SUCLG2: variants seen among roughly 807,000 people sequenced by gnomAD.
SUCLG2 encodes the protein succinate-CoA ligase GDP-forming subunit beta, also known as succinate--CoA ligase [GDP-forming] subunit beta, mitochondrial.
A neutral mutation model predicts 47.9 loss-of-function variants in SUCLG2; 42 were observed. The observed-to-expected ratio is 0.88, with a 90% CI of 0.69 to 1.14. The LOEUF (loss-of-function observed/expected upper bound fraction) is 1.14. Among genes scored for constraint, SUCLG2 ranks in the 50% most tolerant of loss-of-function variants. SUCLG2 has a pLI of 0.00. For missense variants in SUCLG2, 571 were observed against 525.9 expected (o/e 1.09, Z -0.84); for synonymous variants, 195 against 197.3 (o/e 0.99, Z 0.10).
intron 9 of SUCLG2, among the ~76,000 whole-genome samples, chr3:67,424,237 G>C (rs748245659): frequency 1.3e-5 from 2 of 152,136 alleles, no homozygotes; most frequent in African/African-American, 4.8e-5. Flanking sequence ...CAATGGTGAG[G>C]GGACTCAGCC....
chr3:67,555,915 A>G (rs1434453957), intron 2 of SUCLG2, among the ~76,000 whole-genome samples: 1 of 152,230 alleles, frequency 6.6e-6, no homozygotes, highest in Non-Finnish European at 1.5e-5. Flanking sequence ...GAAACCTGGC[A>G]TGTACCAATG....
At chr3:67,616,536 T>C (rs572589421) in intron 1 of SUCLG2, among the ~76,000 whole-genome samples, 2 of 152,246 alleles carry the variant, frequency 1.3e-5, no homozygotes, top group Admixed American at 6.5e-5. Flanking sequence ...TTCAACCTAA[T>C]CTATAATTTA....
intron 9 of SUCLG2, among the ~76,000 whole-genome samples, chr3:67,463,259 C>T (rs1704383351): frequency 6.6e-6 from 1 of 152,194 alleles, no homozygotes; most frequent in Non-Finnish European, 1.5e-5. Context: ...AAATATTCTG[C>T]ACATTGCCTG....
chr3:67,539,274 GTTGA>G (rs1706634056), intron 2 of SUCLG2, among the ~76,000 whole-genome samples: 1 of 152,134 alleles, frequency 6.6e-6, no homozygotes, highest in Non-Finnish European at 1.5e-5. Flanking sequence ...ACGAACCGGT[GTTGA>G]TTTTTATCAA....
At position 67,381,183 on chromosome 3, in the gene SUCLG2, A is replaced by AAAAT. The variant is rs201631218; in HGVS notation, c.1184-5328_1184-5325dup. Among the ~76,000 whole-genome samples the AAAAT allele has an allele frequency of 4.4e-5, 6 of 135,850 alleles. No homozygotes were observed. The East Asian group carries it at 6.2e-4, about 14-fold the overall frequency. The allele number at this position is 135,850 out of a possible 152,430, so 89.1% of individuals were successfully genotyped here. On this transcript the variant is annotated intron_variant, in intron 10 of 10. Coordinates refer to ENST00000307227, the MANE Select transcript of SUCLG2 (RefSeq NM_003848.4). ...CAGAGTGAGACCCACTTCTATTTTC[A>AAAAT]AAATAAATAAATAAATAAATAAAAT...
At chr3:67,562,573 C>T (rs537532152) in intron 2 of SUCLG2, among the ~76,000 whole-genome samples, 21 of 152,316 alleles carry the variant, frequency 1.4e-4, no homozygotes, top group Admixed American at 1.1e-3. Flanking sequence ...CCACTGCGCC[C>T]GGCCTCCAAT....
At chr3:67,641,821 G>A (rs1701106681) in intron 1 of SUCLG2, among the ~76,000 whole-genome samples, 1 of 152,192 alleles carries the variant, frequency 6.6e-6, no homozygotes, top group Non-Finnish European at 1.5e-5. Flanking sequence ...TATCAGAAGG[G>A]TTGGTTTCTT....
At chr3:67,433,419 G>A (rs550871260) in intron 9 of SUCLG2, among the ~76,000 whole-genome samples, 11 of 152,214 alleles carry the variant, frequency 7.2e-5, no homozygotes, top group African/African-American at 2.2e-4. Context: ...GGAAACTTTC[G>A]GATGTGAGCC....
At chr3:67,423,282 T>C (rs2106864909) in intron 9 of SUCLG2, among the ~76,000 whole-genome samples, 1 of 152,244 alleles carries the variant, frequency 6.6e-6, no homozygotes, top group South Asian at 2.1e-4. Flanking sequence ...AGGTGCCTTC[T>C]GCCATGATTG....
At chr3:67,535,448 G>A (rs1706513325) in intron 2 of SUCLG2, among the ~76,000 whole-genome samples, 1 of 152,116 alleles carries the variant, frequency 6.6e-6, no homozygotes, top group African/African-American at 2.4e-5. Flanking sequence ...AAGTGCTACA[G>A]TTTGGATGCT....
At chr3:67,528,321 C>T in intron 3 of SUCLG2, 99 bp from the exon 4 acceptor site, 2 of 1,032,358 alleles carry the variant, frequency 1.9e-6, no homozygotes, top group East Asian at 2.6e-5. Context: ...GCAAAGGGTT[C>T]ACCTTCACCC....
chr3:67,557,554 T>TTA (rs1559570951), intron 2 of SUCLG2, among the ~76,000 whole-genome samples: 7 of 152,170 alleles, frequency 4.6e-5, no homozygotes, highest in East Asian at 3.9e-4. Context: ...AGACCTCATG[T>TTA]TTTTATTTGA....
intron 4 of SUCLG2, among the ~76,000 whole-genome samples, chr3:67,523,675 T>A (rs185147139): frequency 2.0e-4 from 30 of 152,316 alleles, no homozygotes; most frequent in Admixed American, 1.8e-3. Context: ...AATCATTTCT[T>A]CTAAAACTTT....
chr3:67,641,085 T>C (rs1043705657), intron 1 of SUCLG2, among the ~76,000 whole-genome samples: 2 of 152,230 alleles, frequency 1.3e-5, no homozygotes, highest in African/African-American at 4.8e-5. Context: ...AACAAGGCTC[T>C]GCATTTATTC....
intron 1 of SUCLG2, among the ~76,000 whole-genome samples, chr3:67,639,926 A>T (rs1051269814): frequency 2.6e-5 from 4 of 152,254 alleles, no homozygotes; most frequent in African/African-American, 9.6e-5. Context: ...TCTAGAGAAC[A>T]CTAATACCAG....
intron 9 of SUCLG2, among the ~76,000 whole-genome samples, chr3:67,479,798 A>AT (rs1704863224): frequency 6.6e-6 from 1 of 152,244 alleles, no homozygotes; most frequent in Admixed American, 6.5e-5. Context: ...TCACTTAAAA[A>AT]TTACACAACT....
intron 9 of SUCLG2, among the ~76,000 whole-genome samples, chr3:67,438,009 C>CT (rs1483853403): frequency 2.0e-5 from 3 of 152,056 alleles, no homozygotes; most frequent in Non-Finnish European, 2.9e-5. Context: ...TGCACTGTCG[C>CT]TTCTGCGATT....
At chr3:67,571,263 C>G (rs1707599818) in intron 2 of SUCLG2, among the ~76,000 whole-genome samples, 1 of 152,086 alleles carries the variant, frequency 6.6e-6, no homozygotes, top group South Asian at 2.1e-4. Context: ...CCACCTCCAC[C>G]CTAGGGGATG....
At chr3:67,526,419 T>C (rs1706257337) in intron 4 of SUCLG2, among the ~76,000 whole-genome samples, 1 of 152,176 alleles carries the variant, frequency 6.6e-6, no homozygotes, top group Non-Finnish European at 1.5e-5. Flanking sequence ...CACTAATCCA[T>C]TCATGAGGGC....
Sources: gnomAD v4.1 joint callset for allele counts (sites outside exome capture counted in the v4.1 genomes callset) on GRCh38, gnomAD v4.1.1 for gene constraint, MANE v1.5 for transcripts, NCBI Gene and HGNC (gene_info 2026-07-23, HGNC 2026-07-21) for gene names.